Variants in USP42 observed in about 807,000 individuals in gnomAD.
USP42 encodes ubiquitin carboxyl-terminal hydrolase 42.
In USP42, 23 loss-of-function variants were observed where a neutral mutation model predicts 113.0. That is an observed-to-expected ratio of 0.20 (90% CI 0.15 to 0.29). USP42 has a LOEUF of 0.29. Ranked by LOEUF, USP42 falls within the 10% of genes least tolerant of loss-of-function variation. The pLI, the probability that USP42 is intolerant of heterozygous loss-of-function variation, is 1.00. For synonymous variants in USP42, 933 were observed against 699.0 expected, an observed-to-expected ratio of 1.33 and a Z score of -5.28; for missense variants, 2,174 against 1,779.8, an observed-to-expected ratio of 1.22 and a Z score of -3.99.
rs1208316302 is a variant in USP42 at position 6,154,493 on chromosome 7, G to A, written c.2939G>A (p.Arg980Gln). 2.6e-6 allele frequency: 4 copies of A among 1,545,462 alleles called. No individual in the cohort carries two copies. In the Admixed American group the frequency reaches 5.9e-5, roughly 23 times the overall value. The change falls in exon 15 of 18, where the codon CGG becomes CAG. Residue 980 changes from arginine (R) to glutamine (Q), a missense_variant. Coordinates refer to ENST00000306177, the MANE Select transcript of USP42 (RefSeq NM_032172.3). Reference sequence around the variant, plus strand: ...AAGACTGAGGGCCACCGTCACCGGCGGCGCCGCACCTGCCCCCGGGAGCGC... The same window carrying A: ...AAGACTGAGGGCCACCGTCACCGGCAGCGCCGCACCTGCCCCCGGGAGCGC... Reference protein sequence around the residue: ...RSKTEGHRHRRRRTCPRERDR... With the variant: ...RSKTEGHRHRQRRTCPRERDR...
chr7:6,129,873 A>G (rs935762343), intron 3 of USP42, among the ~76,000 whole-genome samples: 1 of 152,110 alleles, frequency 6.6e-6, no homozygotes, highest in African/African-American at 2.4e-5. Flanking sequence ...AAAAAAAAAA[A>G]AAAGGTTTCT....
rs200910208 is a variant in USP42, at chr7:6,150,512, G to C, written c.2201+6G>C. On this transcript the variant is annotated splice_donor_region_variant and intron_variant, in intron 14 of 17. Coordinates refer to ENST00000306177, the MANE Select transcript of USP42 (RefSeq NM_032172.3). ...GGCTCGACGGATGAAATGAGGTAAC[G>C]TAAGAGTACATCTGAGGCACGTGTG... 47 of 1,613,506 alleles carry C rather than the reference G, an allele frequency of 2.9e-5. No homozygotes were observed. Among genetic ancestry groups the C allele is most frequent in the Non-Finnish European group, 2.5e-6 (3 of 1,179,456 alleles).
At chr7:6,092,763 T>C in the USP42 span, among the ~76,000 whole-genome samples, 3 of 151,422 alleles carry the variant, frequency 2.0e-5, no homozygotes, top group South Asian at 6.2e-4. Flanking sequence ...GTCTAAGACC[T>C]GGCCAGCCAC....
intron 11 of USP42, among the ~76,000 whole-genome samples, 173 bp downstream of exon 11, chr7:6,146,421 C>T (rs1052800706): frequency 3.1e-4 from 47 of 151,802 alleles, no homozygotes; most frequent in African/African-American, 2.4e-5. Flanking sequence ...GCACTTTGGG[C>T]GGCCAAGATG....
At chr7:6,119,235 A>G (rs570116074) in intron 3 of USP42, among the ~76,000 whole-genome samples, 1 of 152,216 alleles carries the variant, frequency 6.6e-6, no homozygotes, top group South Asian at 2.1e-4. Flanking sequence ...TTTTGGAACC[A>G]GGTAAGTCCT....
At chr7:6,138,389 AT>A (rs1399702234) in intron 4 of USP42, among the ~76,000 whole-genome samples, 3 of 152,214 alleles carry the variant, frequency 2.0e-5, no homozygotes, top group Non-Finnish European at 2.9e-5. Flanking sequence ...GGAGATTTAT[AT>A]TTTGAATGGA....
Position 6,153,831 on chromosome 7 carries a change from C to A in USP42, c.2277C>A (p.Ser759=). 1 of 1,541,720 alleles carries A rather than the reference C, an allele frequency of 6.5e-7. No individual in the cohort carries two copies. Among genetic ancestry groups the A allele is most frequent in the East Asian group, 2.5e-5 (1 of 40,464 alleles). ...EPQPGSPAAE[S]LEEPDAAAGL... is the part of the protein sequence containing the mutation. ...AGCCTGGCAGCCCCGCCGCCGAATC[C>A]CTGGAGGAGCCAGATGCGGCCGCCG... The change falls in exon 15 of 18, where the codon TCC becomes TCA. Residue 759 remains serine, a synonymous_variant. Transcript: ENST00000306177.
At chr7:6,152,957 T>C (rs974526992) in intron 14 of USP42, 178 of 985,262 alleles carry the variant, frequency 1.8e-4, no homozygotes, top group Non-Finnish European at 2.1e-4. Context: ...TTTTCTTTAG[T>C]CTTAGTTATT....
chr7:6,115,226 G>A (rs940825340), intron 2 of USP42, 97 bp from the exon 3 acceptor site: 99 of 1,232,122 alleles, frequency 8.0e-5, no homozygotes, highest in Admixed American at 5.6e-4. Flanking sequence ...ATGAGATTTC[G>A]GATCTTGTAA....
intron 9 of USP42, among the ~76,000 whole-genome samples, chr7:6,144,993 T>G (rs1372873060): frequency 6.6e-6 from 1 of 152,198 alleles, no homozygotes; most frequent in African/African-American, 2.4e-5. Context: ...CAGGATGGCC[T>G]TAAATACACT....
In USP42 at chr7:6,157,890, C is replaced by A. The variant is rs61753120; in HGVS notation, c.3943+835C>A. Among the ~76,000 whole-genome samples, 15,124 of 152,192 alleles carry A rather than the reference C, an allele frequency of 0.099. 888 individuals carry two copies. Among genetic ancestry groups the A allele is most frequent in the Non-Finnish European group, 0.13 (8,878 of 68,000 alleles). On this transcript the variant is annotated intron_variant, in intron 16 of 17. Coordinates refer to ENST00000306177, the MANE Select transcript of USP42 (RefSeq NM_032172.3). The surrounding 1 kb of genome is among the most constrained non-coding windows in gnomAD (Gnocchi z 4.1). Reference sequence around the variant, plus strand: ...CTCCGTCCTGTGGCCACACGCTGTGCTCTTACTGCACTTGAGGCAGCCCCC... The same window carrying A: ...CTCCGTCCTGTGGCCACACGCTGTGATCTTACTGCACTTGAGGCAGCCCCC...
chr7:6,108,662 G>T (rs1779425189), intron 1 of USP42, among the ~76,000 whole-genome samples: 1 of 152,190 alleles, frequency 6.6e-6, no homozygotes, highest in Non-Finnish European at 1.5e-5. Flanking sequence ...TGTATTTTCA[G>T]TAGAGACAGG....
intron 3 of USP42, among the ~76,000 whole-genome samples, chr7:6,118,800 T>G (rs900323838): frequency 1.3e-5 from 2 of 152,190 alleles, no homozygotes; most frequent in Admixed American, 6.6e-5. Context: ...TGAAGCACTT[T>G]AGACAGAAGA....
Position 6,159,528 on chromosome 7 carries a change from G to A in USP42, c.*36+35G>A. The A allele has an allele frequency of 1.3e-6, 2 of 1,599,760 alleles. No individual in the cohort carries two copies. The highest frequency in any genetic ancestry group is 1.7e-6 in the Non-Finnish European group (2 of 1,167,402). On this transcript the variant is annotated intron_variant, in intron 17 of 17. Coordinates refer to ENST00000306177, the MANE Select transcript of USP42 (RefSeq NM_032172.3). This position sits in a 1 kb window ranked among gnomAD's most constrained non-coding sequence, Gnocchi z 4.1. ...TTTCCTGTCTGTTTCCTCATTGTTT[G>A]TGGTGGCGCTGAGGGGACGCAGGCA...
Position 6,146,976 on chromosome 7 carries a change from A to G in USP42, c.1232+728A>G, listed in dbSNP as rs375580930. ...CAGGCCAAGGCCAGCACCCGCACCC[A>G]GCTCTGTCCTGTTGTGGCTGCATAC... is the stretch of plus-strand genomic sequence containing the variant. On this transcript the variant is annotated intron_variant, in intron 11 of 17. Transcript: ENST00000306177. 4.6e-3 allele frequency among the ~76,000 whole-genome samples: 698 copies of G among 152,366 alleles called. 6 individuals are homozygous for G. The highest frequency in any genetic ancestry group is 0.016 in the African/African-American group (669 of 41,584).
chr7:6,135,740 T>C, intron 3 of USP42, 101 bp from the exon 4 acceptor site: 1 of 462,316 alleles, frequency 2.2e-6, no homozygotes, highest in Non-Finnish European at 3.8e-6. Context: ...ATATAGCAGC[T>C]ATTATTTCAT....
chr7:6,133,725 G>T (rs1303228734), intron 3 of USP42, among the ~76,000 whole-genome samples: 1 of 151,946 alleles, frequency 6.6e-6, no homozygotes, highest in Non-Finnish European at 1.5e-5. Context: ...TTTCTGTGTT[G>T]CCCAGGCTGG....
chr7:6,141,687 T>C (rs1240999088), intron 7 of USP42, among the ~76,000 whole-genome samples: 2 of 152,114 alleles, frequency 1.3e-5, no homozygotes, highest in Non-Finnish European at 2.9e-5. Flanking sequence ...GCCTCCCTAG[T>C]AGCTGGGACT....
intron 1 of USP42, 39 bp from the exon 2 acceptor site, chr7:6,111,086 C>T (rs1779573048): frequency 6.3e-7 from 1 of 1,577,086 alleles, no homozygotes. Flanking sequence ...TTGCTTTTCT[C>T]ACCTGATGAA....
Sources: gnomAD v4.1 joint callset for allele counts (sites outside exome capture counted in the v4.1 genomes callset) on GRCh38, gnomAD v4.1.1 for gene constraint, Gnocchi (gnomAD v3.1) non-coding constraint, MANE v1.5 for transcripts, NCBI Gene and HGNC (gene_info 2026-07-23, HGNC 2026-07-21) for gene names.